Variants in SSC5D observed in about 807,000 individuals in gnomAD.
SSC5D encodes the protein scavenger receptor cysteine rich family member with 5 domains.
A neutral mutation model predicts 104.6 loss-of-function variants in SSC5D; 106 were observed. That is an observed-to-expected ratio of 1.01 (90% CI 0.87 to 1.19). SSC5D has a LOEUF of 1.19. Ranked by LOEUF, SSC5D falls within the 50% of genes most tolerant of loss-of-function variation. The probability of loss-of-function intolerance (pLI) is 0.00; values close to 1 mark genes in which losing one functional copy is unlikely to be tolerated. For synonymous variants in SSC5D, 860 were observed against 883.5 expected (o/e 0.97, Z 0.47); for missense variants, 1,993 against 2,153.8 (o/e 0.93, Z 1.48).
chr19:55,518,904 A>G lies in SSC5D; in HGVS notation c.4628A>G (p.Lys1543Arg). 6.4e-7 allele frequency: 1 copy of G among 1,550,400 alleles called. No homozygotes were observed. Among genetic ancestry groups the G allele is most frequent in the Non-Finnish European group, 8.7e-7 (1 of 1,146,986 alleles). ...CTGGGGCAGCTGGGTGAGGCTGTGAAGAGACTGGCAGAGATGGCCTGGACC... is the reference window on the plus strand; with the variant it reads ...CTGGGGCAGCTGGGTGAGGCTGTGAGGAGACTGGCAGAGATGGCCTGGACC... ...RGLGQLGEAV[K>R]RLAEMAWTTS... Residue 1543 changes from lysine (K) to arginine (R), a missense_variant, in exon 14 of 14, where the codon AAG becomes AGG. By Grantham distance (26) the Lys-to-Arg change is conservative. Around this residue, in one of 6 missense-constraint regions of SSC5D, gnomAD observed 349 missense variants for 397.6 expected, o/e 0.88. Coordinates refer to ENST00000389623, the MANE Select transcript of SSC5D (RefSeq NM_001144950.2).
At chr19:55,497,763 G>C (rs2123439701) in intron 8 of SSC5D, 117 bp from the exon 9 acceptor site, 1 of 1,005,150 alleles carries the variant, frequency 9.9e-7, no homozygotes, top group Non-Finnish European at 1.4e-6. Flanking sequence ...TGGATGAATG[G>C]AGGGAAGGCC....
At chr19:55,504,169 G>A in intron 12 of SSC5D, 5 of 1,535,706 alleles carry the variant, frequency 3.3e-6, no homozygotes, top group Non-Finnish European at 4.4e-6. Flanking sequence ...GACTGCCAGG[G>A]TTGCAGCGCC....
At position 55,500,390 on chromosome 19, in the gene SSC5D, T is replaced by G; in HGVS notation, c.2280T>G (p.Ser760Arg). The G allele has an allele frequency of 6.4e-7, 1 of 1,551,058 alleles. No individual in the cohort carries two copies. ...CCAAAGACCCGGCCCCCTCTCCCAGTGTTAGCACCACTGGGGAATCAGGTG... is the reference window on the plus strand; with the variant it reads ...CCAAAGACCCGGCCCCCTCTCCCAGGGTTAGCACCACTGGGGAATCAGGTG... ...ESPKDPAPSP[S>R]VSTTGESGLF... The change falls in exon 10 of 14, where the codon AGT becomes AGG. Residue 760 changes from serine (S) to arginine (R), a missense_variant. Transcript: ENST00000389623. The surrounding 1 kb of genome is among the most constrained non-coding windows in gnomAD (Gnocchi z 4.6).
rs1987130840 is a variant in SSC5D at position 55,491,055 on chromosome 19, C to T, written c.870C>T (p.Ser290=). Reference sequence around the variant, plus strand: ...GGGGCCGGAGCAACTGTGACCACAGCGAGGATGCGGGGCTGGTCTGCACCG... The same window carrying T: ...GGGGCCGGAGCAACTGTGACCACAGTGAGGATGCGGGGCTGGTCTGCACCG... ...SPWGRSNCDH[S]EDAGLVCTGP... Residue 290 remains serine (S), a synonymous_variant, in exon 6 of 14, where the codon AGC becomes AGT. Coordinates refer to ENST00000389623, the MANE Select transcript of SSC5D (RefSeq NM_001144950.2). 13 of 1,550,118 alleles carry T rather than the reference C, an allele frequency of 8.4e-6. No homozygotes were observed. Among genetic ancestry groups the T allele is most frequent in the East Asian group, 2.4e-5 (1 of 40,898 alleles).
rs575208619 is a variant in SSC5D, at chr19:55,490,515, A to G, written c.586+107A>G. ...GCCCTCTCCTTAGCCGGGGCCCTGG[A>G]GGGATCCCAGTGTTCCCCGCGTCCC... On this transcript the variant is annotated intron_variant, in intron 5 of 13. Transcript: ENST00000389623. The G allele has an allele frequency of 2.0e-5, 12 of 610,054 alleles. No homozygotes were observed. The East Asian group carries it at 2.1e-4, about 11-fold the overall frequency. The allele number at this position is 610,054 out of a possible 1,614,324, so 37.8% of individuals were successfully genotyped here.
At chr19:55,493,445 C>T in intron 6 of SSC5D, 150 bp from the exon 7 acceptor site, 3 of 741,856 alleles carry the variant, frequency 4.0e-6, no homozygotes, top group Non-Finnish European at 6.0e-6. Context: ...CAGTGACTTC[C>T]TGTCTTGGAA....
intron 12 of SSC5D, among the ~76,000 whole-genome samples, chr19:55,508,673 G>A (rs1025608251): frequency 1.1e-4 from 15 of 131,380 alleles, no homozygotes; most frequent in Middle Eastern, 3.9e-3. Context: ...GGGATGGGGG[G>A]AGGCCTCCTG....
chr19:55,490,236 C>G (rs565060453), intron 4 of SSC5D, 62 bp from the exon 5 acceptor site: 59 of 665,836 alleles, frequency 8.9e-5, no homozygotes, highest in African/African-American at 8.0e-4. Context: ...GAGGCCTGGG[C>G]CCCCAGGTGG....
In SSC5D at chr19:55,489,617, G is replaced by C. The variant is rs767724074; in HGVS notation, c.316G>C (p.Ala106Pro). The change falls in exon 3 of 14, where the codon GCC (alanine) becomes CCC (proline). Residue 106 changes from alanine to proline, a missense_variant. By Grantham distance (27) the Ala-to-Pro change is conservative. Coordinates refer to ENST00000389623, the MANE Select transcript of SSC5D (RefSeq NM_001144950.2). ...LGLCHHRGWK[A>P]HICSHEEDAG... is the part of the protein sequence containing the mutation. The stretch of plus-strand genomic sequence containing the variant: ...CCTCTGCCACCACCGGGGCTGGAAG[G>C]CCCACATCTGCTCCCACGAGGAGGA... 3 of 1,532,426 alleles carry C rather than the reference G, an allele frequency of 2.0e-6. No individual in the cohort carries two copies. The highest frequency in any genetic ancestry group is 1.7e-4 in the Middle Eastern group (1 of 5,934). The allele number at this position is 1,532,426 out of a possible 1,614,324, so 94.9% of individuals were successfully genotyped here. A position where few individuals can be genotyped will look rare whatever the true frequency, so the allele number is the denominator to read the frequency against.
rs781571230 is a variant in SSC5D, at chr19:55,513,142, C to G, written c.2917C>G (p.Pro973Ala). 1 of 1,529,556 alleles carries G rather than the reference C, an allele frequency of 6.5e-7. No individual in the cohort carries two copies. The highest frequency in any genetic ancestry group is 2.5e-5 in the East Asian group (1 of 40,736). 94.7% of individuals were successfully genotyped at this position (1,529,556 alleles called of 1,614,324 possible). The change falls in exon 13 of 14, where the codon CCT (proline) becomes GCT (alanine). Residue 973 changes from proline (P) to alanine (A), a missense_variant. Physicochemically the swap from Pro to Ala is conservative, Grantham distance 27. This residue lies in a region of SSC5D where 423 missense variants were observed against 409.2 expected (regional missense o/e 1.03). Transcript: ENST00000389623. ...TGGCACCACCAGGAGCCCAGGCAGT[C>G]CTCCAACTCTGAGAGTCCATGGAGA... ...GAGTTRSPGS[P>A]PTLRVHGDTG...
Position 55,500,173 on chromosome 19 carries a change from C to G in SSC5D, c.2063C>G (p.Ala688Gly). 1 of 1,551,154 alleles carries G rather than the reference C, an allele frequency of 6.4e-7. No individual in the cohort carries two copies. Among genetic ancestry groups the G allele is most frequent in the Admixed American group, 2.0e-5 (1 of 50,920 alleles). ...SEFTRRPTTEAPQRWTSHTTA... is the reference protein window; with the variant it reads ...SEFTRRPTTEGPQRWTSHTTA... ...TTTACCAGAAGGCCGACCACGGAGG[C>G]CCCCCAGAGATGGACCTCTCACACC... Residue 688 changes from alanine to glycine, a missense_variant, in exon 10 of 14, where the codon GCC becomes GGC. Around this residue, in one of 6 missense-constraint regions of SSC5D, gnomAD observed 1,101 missense variants for 1,085.0 expected, o/e 1.01. Coordinates refer to ENST00000389623, the MANE Select transcript of SSC5D (RefSeq NM_001144950.2). The surrounding 1 kb of genome is among the most constrained non-coding windows in gnomAD (Gnocchi z 4.6).
At position 55,516,332 on chromosome 19, in the gene SSC5D, C is replaced by G. The variant is rs556835727; in HGVS notation, c.2948-892C>G. Among the ~76,000 whole-genome samples, 523 of 152,198 alleles carry G rather than the reference C, an allele frequency of 3.4e-3. 4 individuals carry two copies. The highest frequency in any genetic ancestry group is 0.011 in the African/African-American group (477 of 41,532). On this transcript the variant is annotated intron_variant, in intron 13 of 13. Coordinates refer to ENST00000389623, the MANE Select transcript of SSC5D (RefSeq NM_001144950.2). ...CCAACACGGTGAAACCCCGTCTCTA[C>G]TAAAAATACAAAAAATTAGCCTGGT...
intron 12 of SSC5D, among the ~76,000 whole-genome samples, chr19:55,510,413 A>G (rs957900932): frequency 2.0e-5 from 3 of 152,084 alleles, no homozygotes; most frequent in African/African-American, 7.2e-5. Flanking sequence ...CAGTGACATG[A>G]TCTTGGCTCA....
At position 55,513,032 on chromosome 19, in the gene SSC5D, T is replaced by C. The variant is rs1426900071; in HGVS notation, c.2807T>C (p.Leu936Pro). 1.3e-6 allele frequency: 2 copies of C among 1,552,004 alleles called. No individual in the cohort carries two copies. The highest frequency in any genetic ancestry group is 2.4e-5 in the South Asian group (2 of 84,056). Residue 936 changes from leucine (L) to proline (P), a missense_variant, in exon 13 of 14, where the codon CTT becomes CCT. This residue lies in a region of SSC5D where 423 missense variants were observed against 409.2 expected (regional missense o/e 1.03). Coordinates refer to ENST00000389623, the MANE Select transcript of SSC5D (RefSeq NM_001144950.2). Reference sequence around the variant, plus strand: ...CTAGGCAGCAAAGATGGTTACAAGCTTCCCTGGACGTGGGACACACCATCA... The same window carrying C: ...CTAGGCAGCAAAGATGGTTACAAGCCTCCCTGGACGTGGGACACACCATCA... ...PDTGSKDGYK[L>P]PWTWDTPSGR...
chr19:55,491,084 C>T lies in SSC5D; in HGVS notation c.895+4C>T, dbSNP rs1334469919. On this transcript the variant is annotated splice_donor_region_variant and intron_variant, in intron 6 of 13. Transcript: ENST00000389623. ...GATGCGGGGCTGGTCTGCACCGGTA[C>T]GTCGGGCTGGGGCCTGGCCCCCTCC... The T allele has an allele frequency of 2.7e-5, 41 of 1,546,562 alleles. No homozygotes were observed. The highest frequency in any genetic ancestry group is 3.2e-5 in the Non-Finnish European group (37 of 1,145,130).
chr19:55,489,057 T>TGGGGGGGGGGGGGGGGGGGGGGGGGGGG, intron 2 of SSC5D, 25 bp downstream of exon 2: 2 of 1,247,964 alleles, frequency 1.6e-6, no homozygotes, highest in East Asian at 7.3e-5. Context: ...TCCTCCCATC[T>TGGGGGGGGGGGGGGGGGGGGGGGGGGGG]GCCCGCCCCC....
Position 55,488,501 on chromosome 19 carries a change from C to G in SSC5D, c.-89C>G. ...GCCTGGGCGCCTCCAGCAGGCACTT[C>G]CCTCCCTCCCTCTCTCCCCAGCTGC... On this transcript the variant is annotated 5_prime_UTR_variant, in exon 1 of 14. Coordinates refer to ENST00000389623, the MANE Select transcript of SSC5D (RefSeq NM_001144950.2). 6.8e-4 allele frequency: 648 copies of G among 946,142 alleles called. No homozygotes were observed. Among genetic ancestry groups the G allele is most frequent in the Non-Finnish European group, 9.0e-4 (555 of 617,970 alleles). The allele number at this position is 946,142 out of a possible 1,614,324, so 58.6% of individuals were successfully genotyped here. A position where few individuals can be genotyped will look rare whatever the true frequency, so the allele number is the denominator to read the frequency against.
intron 13 of SSC5D, among the ~76,000 whole-genome samples, chr19:55,516,534 C>T (rs915091948): frequency 1.3e-5 from 2 of 150,830 alleles, no homozygotes; most frequent in African/African-American, 4.9e-5. Context: ...AGGATCCTAT[C>T]CGCCTCGCTG....
chr19:55,517,755 C>A lies in SSC5D; in HGVS notation c.3479C>A (p.Ala1160Asp). ...ACTACTACCCCTGATCCCACCATGGCCCCTGACCCCATCACAACCCTTAAC... is the reference window on the plus strand; with the variant it reads ...ACTACTACCCCTGATCCCACCATGGACCCTGACCCCATCACAACCCTTAAC... ...HPTTTPDPTM[A>D]PDPITTLNPT... Residue 1160 changes from alanine (A) to aspartate (D), a missense_variant, in exon 14 of 14, where the codon GCC becomes GAC. By Grantham distance (126) the Ala-to-Asp change is moderately radical. Transcript: ENST00000389623. The A allele has an allele frequency of 6.5e-7, 1 of 1,547,648 alleles. No individual in the cohort carries two copies. The highest frequency in any genetic ancestry group is 2.5e-5 in the East Asian group (1 of 40,748).
Sources: gnomAD v4.1 joint callset for allele counts (sites outside exome capture counted in the v4.1 genomes callset) on GRCh38, gnomAD v4.1.1 for gene constraint, gnomAD v4.1.1 regional missense constraint, Gnocchi (gnomAD v3.1) non-coding constraint, MANE v1.5 for transcripts, NCBI Gene and HGNC (gene_info 2026-07-23, HGNC 2026-07-21) for gene names.